The following PTPRM variants were observed in gnomAD, a reference collection of about 807,000 sequenced individuals.
PTPRM encodes protein tyrosine phosphatase receptor type M, also known as receptor-type tyrosine-protein phosphatase mu.
A neutral mutation model predicts 186.7 loss-of-function variants in PTPRM; 47 were observed. The observed-to-expected ratio is 0.25, with a 90% CI of 0.20 to 0.32. PTPRM has a LOEUF of 0.32. PTPRM is among the 10% of genes least tolerant of loss of function. PTPRM has a pLI of 1.00. For synonymous variants in PTPRM, 668 were observed against 674.9 expected (o/e 0.99, Z 0.16); for missense variants, 1,494 against 1,865.0 (o/e 0.80, Z 3.66).
At chr18:8,046,055 G>C (rs1454796957) in intron 7 of PTPRM, among the ~76,000 whole-genome samples, 1 of 152,070 alleles carries the variant, frequency 6.6e-6, no homozygotes, top group Non-Finnish European at 1.5e-5. Context: ...CCTCCATGCT[G>C]TTCTCATGAT....
chr18:8,241,954 A>G (rs2094437934), intron 14 of PTPRM, among the ~76,000 whole-genome samples: 1 of 152,174 alleles, frequency 6.6e-6, no homozygotes, highest in South Asian at 2.1e-4. Flanking sequence ...CAATTAAGTG[A>G]TGAGTGTGAC....
intron 1 of PTPRM, among the ~76,000 whole-genome samples, chr18:7,699,061 C>T (rs903607898): frequency 6.6e-6 from 1 of 152,198 alleles, no homozygotes; most frequent in Non-Finnish European, 1.5e-5. Context: ...GCTCCGCCTC[C>T]TGTCAGATCA....
intron 1 of PTPRM, 96 bp from the exon 2 acceptor site, chr18:7,774,053 A>G: frequency 7.7e-7 from 1 of 1,294,672 alleles, no homozygotes; most frequent in African/African-American, 1.5e-5. Context: ...TTTGGCATCA[A>G]ACTTGGCATC....
chr18:7,921,582 G>T (rs1236515393), intron 4 of PTPRM, among the ~76,000 whole-genome samples: 1 of 151,942 alleles, frequency 6.6e-6, no homozygotes, highest in East Asian at 1.9e-4. Flanking sequence ...GGGTTTCACT[G>T]TGTTAGCCAG....
At chr18:8,005,360 T>C (rs1452615626) in intron 7 of PTPRM, among the ~76,000 whole-genome samples, 7 of 152,216 alleles carry the variant, frequency 4.6e-5, no homozygotes, top group Admixed American at 4.6e-4. Flanking sequence ...AAACAGGCTC[T>C]CTTCAAAGTC....
At chr18:7,897,979 A>C (rs2146460967) in intron 3 of PTPRM, among the ~76,000 whole-genome samples, 1 of 152,300 alleles carries the variant, frequency 6.6e-6, no homozygotes, top group Non-Finnish European at 1.5e-5. Context: ...CTCCATTGCA[A>C]ATTTTGCTGT....
chr18:8,114,263 A>G (rs2145720982), intron 12 of PTPRM, among the ~76,000 whole-genome samples: 1 of 152,284 alleles, frequency 6.6e-6, no homozygotes, highest in South Asian at 2.1e-4. Flanking sequence ...AAACAAAATA[A>G]AAAGTGTCAT....
intron 23 of PTPRM, chr18:8,361,131 C>G (rs989642331): frequency 2.6e-5 from 4 of 152,112 alleles, no homozygotes; most frequent in Non-Finnish European, 5.9e-5. Flanking sequence ...CAGATTGACC[C>G]GTGTCTTTTG....
At chr18:8,012,567 A>G (rs1407998798) in intron 7 of PTPRM, among the ~76,000 whole-genome samples, 3 of 152,198 alleles carry the variant, frequency 2.0e-5, no homozygotes, top group Non-Finnish European at 2.9e-5. Flanking sequence ...GGTGTTGCCT[A>G]TGGTTCCTAG....
chr18:7,659,883 A>G (rs936409124), intron 1 of PTPRM, among the ~76,000 whole-genome samples: 2 of 152,056 alleles, frequency 1.3e-5, no homozygotes, highest in Non-Finnish European at 1.5e-5. Flanking sequence ...AGTGATTTTG[A>G]CTTTCTTGCC....
intron 11 of PTPRM, among the ~76,000 whole-genome samples, chr18:8,095,435 A>G (rs977100813): frequency 6.6e-6 from 1 of 152,002 alleles, no homozygotes; most frequent in African/African-American, 2.4e-5. Context: ...TGATCTGAGA[A>G]TGAGAAGTGT....
intron 14 of PTPRM, among the ~76,000 whole-genome samples, chr18:8,145,687 G>A (rs941746929): frequency 1.3e-5 from 2 of 152,168 alleles, no homozygotes; most frequent in African/African-American, 4.8e-5. Flanking sequence ...ATTCCATGGT[G>A]CGTATGTGCC....
intron 2 of PTPRM, among the ~76,000 whole-genome samples, chr18:7,802,368 A>G (rs2145368923): frequency 6.6e-6 from 1 of 152,304 alleles, no homozygotes; most frequent in South Asian, 2.1e-4. Context: ...TTCAAAGTTA[A>G]GGGCAGAGGA....
At chr18:8,206,164 A>G (rs1323743984) in intron 14 of PTPRM, among the ~76,000 whole-genome samples, 1 of 152,208 alleles carries the variant, frequency 6.6e-6, no homozygotes, top group African/African-American at 2.4e-5. Context: ...TGGCTATTGT[A>G]GTAGTAGAAG....
At chr18:7,644,436 T>C (rs2038514245) in intron 1 of PTPRM, among the ~76,000 whole-genome samples, 1 of 152,202 alleles carries the variant, frequency 6.6e-6, no homozygotes, top group Admixed American at 6.5e-5. Flanking sequence ...ACGTCAGTTC[T>C]ACTATGTAGA....
At chr18:7,905,338 A>G (rs1398411899) in intron 3 of PTPRM, among the ~76,000 whole-genome samples, 4 of 152,076 alleles carry the variant, frequency 2.6e-5, no homozygotes, top group Non-Finnish European at 5.9e-5. Flanking sequence ...TGGCTCCACC[A>G]TCTTAAAAAA....
chr18:7,758,028 C>T (rs935607604), intron 1 of PTPRM, among the ~76,000 whole-genome samples: 10 of 152,108 alleles, frequency 6.6e-5, no homozygotes, highest in Non-Finnish European at 8.8e-5. Flanking sequence ...GGGACACATC[C>T]TAAAATTCAG....
chr18:7,647,567 T>C (rs1440968568), intron 1 of PTPRM, among the ~76,000 whole-genome samples: 1 of 152,192 alleles, frequency 6.6e-6, no homozygotes, highest in Non-Finnish European at 1.5e-5. Flanking sequence ...TGTAGCATAA[T>C]AAAGAAATAT....
At chr18:7,618,392 A>T (rs2037857273) in intron 1 of PTPRM, among the ~76,000 whole-genome samples, 1 of 152,212 alleles carries the variant, frequency 6.6e-6, no homozygotes, top group Admixed American at 6.5e-5. Context: ...ATTTTAAAAG[A>T]GTATTTGTTT....
Sources: gnomAD v4.1 joint callset for allele counts (sites outside exome capture counted in the v4.1 genomes callset) on GRCh38, gnomAD v4.1.1 for gene constraint, MANE v1.5 for transcripts, NCBI Gene and HGNC (gene_info 2026-07-23, HGNC 2026-07-21) for gene names.